EPHA6: variants seen among roughly 807,000 people sequenced by gnomAD.
The protein encoded by EPHA6 is ephrin type-A receptor 6.
EPHA6 carries 50 observed loss-of-function variants against 112.0 expected under a neutral mutation model. That is an observed-to-expected ratio of 0.45 (90% CI 0.36 to 0.56). The LOEUF (loss-of-function observed/expected upper bound fraction) is 0.56, where lower values mean the gene tolerates loss of function less well. Ranked by LOEUF, EPHA6 falls within the 20% of genes least tolerant of loss-of-function variation. The pLI, the probability that EPHA6 is intolerant of heterozygous loss-of-function variation, is 0.00. For synonymous variants in EPHA6, 529 were observed against 490.7 expected, an observed-to-expected ratio of 1.08 and a Z score of -1.03; for missense variants, 1,280 against 1,417.4, an observed-to-expected ratio of 0.90 and a Z score of 1.56.
At chr3:97,069,963 C>T (rs146471650) in intron 3 of EPHA6, among the ~76,000 whole-genome samples, 11 of 152,216 alleles carry the variant, frequency 7.2e-5, no homozygotes, top group African/African-American at 2.6e-4. Context: ...ACATCCCTAG[C>T]TCTTTCAAGC....
chr3:97,553,338 G>A (rs2107102616), intron 11 of EPHA6, among the ~76,000 whole-genome samples: 1 of 152,112 alleles, frequency 6.6e-6, no homozygotes, highest in Admixed American at 6.6e-5. Context: ...GTCCTCACAA[G>A]GCTGTCTTTC....
intron 15 of EPHA6, among the ~76,000 whole-genome samples, chr3:97,728,504 C>A (rs567166392): frequency 2.0e-5 from 3 of 152,170 alleles, no homozygotes; most frequent in African/African-American, 4.8e-5. Context: ...TATAGAGGTC[C>A]ATCTAAGCAC....
chr3:97,061,645 A>G (rs1253267470), intron 3 of EPHA6, among the ~76,000 whole-genome samples: 4 of 152,216 alleles, frequency 2.6e-5, no homozygotes, highest in African/African-American at 7.2e-5. Context: ...GTAAAAAGAA[A>G]TAAGACTGTG....
At chr3:96,854,695 A>T (rs1413426529) in intron 1 of EPHA6, among the ~76,000 whole-genome samples, 1 of 152,140 alleles carries the variant, frequency 6.6e-6, no homozygotes, top group East Asian at 1.9e-4. Flanking sequence ...TGAAGAGAAA[A>T]TGAGTTTTGA....
At chr3:97,595,423 C>T (rs2093579266) in intron 12 of EPHA6, among the ~76,000 whole-genome samples, 1 of 152,102 alleles carries the variant, frequency 6.6e-6, no homozygotes, top group African/African-American at 2.4e-5. Context: ...GCAGGTAGAT[C>T]ACCTGAGGTC....
chr3:96,952,996 G>C (rs996985471), intron 2 of EPHA6, among the ~76,000 whole-genome samples: 1 of 151,920 alleles, frequency 6.6e-6, no homozygotes, highest in Non-Finnish European at 1.5e-5. Context: ...ACCTGCACAA[G>C]TACCCCTAAA....
In EPHA6 at chr3:97,760,843, G is replaced by A. The variant is rs1411184849; in HGVS notation, c.*12142G>A. ...TATAAGTACAAATATGATTTTTAAA[G>A]CATCATTGTAACTTGTCATGAAGCT... On this transcript the variant is annotated 3_prime_UTR_variant, in exon 18 of 18. Coordinates refer to ENST00000389672, the MANE Select transcript of EPHA6 (RefSeq NM_001080448.3). 1 of 187,900 alleles carries A rather than the reference G, an allele frequency of 5.3e-6. No individual in the cohort carries two copies. The highest frequency in any genetic ancestry group is 8.5e-5 in the East Asian group (1 of 11,708). The allele number at this position is 187,900 out of a possible 1,614,324, so 11.6% of individuals were successfully genotyped here.
chr3:96,861,879 G>A (rs2036028722), intron 1 of EPHA6, among the ~76,000 whole-genome samples: 1 of 151,892 alleles, frequency 6.6e-6, no homozygotes, highest in South Asian at 2.1e-4. Context: ...TCCAAGTACA[G>A]AGAGGACCAT....
At chr3:97,567,998 C>T (rs1174142366) in intron 11 of EPHA6, among the ~76,000 whole-genome samples, 1 of 151,954 alleles carries the variant, frequency 6.6e-6, no homozygotes, top group African/African-American at 2.4e-5. Flanking sequence ...TGGCACCTGG[C>T]CCTGGAATGA....
In EPHA6 at chr3:97,480,082, T is replaced by C. The variant is rs555578844; in HGVS notation, c.2074+718T>C. 2.0e-3 allele frequency among the ~76,000 whole-genome samples: 310 copies of C among 152,328 alleles called. 2 individuals are homozygous for C. The highest frequency in any genetic ancestry group is 6.8e-3 in the Middle Eastern group (2 of 294). ...AAGGCAACTTAACTGTTTTATCTTT[T>C]ATTTCAAATTGAGCAAAAGATAATA... On this transcript the variant is annotated intron_variant, in intron 9 of 17. Coordinates refer to ENST00000389672, the MANE Select transcript of EPHA6 (RefSeq NM_001080448.3).
chr3:97,231,783 C>T (rs550725768), intron 4 of EPHA6, among the ~76,000 whole-genome samples: 42 of 152,284 alleles, frequency 2.8e-4, no homozygotes, highest in African/African-American at 9.6e-4. Context: ...TCCCTAGGAG[C>T]TGCCCTCAGA....
At chr3:97,544,878 TA>T (rs1300789277) in intron 11 of EPHA6, among the ~76,000 whole-genome samples, 28 of 152,356 alleles carry the variant, frequency 1.8e-4, no homozygotes, top group Non-Finnish European at 3.1e-4. Context: ...TTTATTTGCA[TA>T]GAGGTGTTTA....
intron 3 of EPHA6, among the ~76,000 whole-genome samples, chr3:96,998,193 CT>C (rs1446228980): frequency 6.6e-6 from 1 of 151,906 alleles, no homozygotes; most frequent in Non-Finnish European, 1.5e-5. Flanking sequence ...TTCACTATCT[CT>C]GTACTCTTTC....
chr3:97,228,009 C>A (rs905868231), intron 4 of EPHA6, among the ~76,000 whole-genome samples: 1 of 152,056 alleles, frequency 6.6e-6, no homozygotes, highest in African/African-American at 2.4e-5. Flanking sequence ...TCTCTTTAAC[C>A]CTTGAAGAAG....
Position 96,994,784 on chromosome 3 carries a change from G to A in EPHA6, c.1114+6791G>A, listed in dbSNP as rs933603522. Among the ~76,000 whole-genome samples, 5 of 130,866 alleles carry A rather than the reference G, an allele frequency of 3.8e-5. 1 individual carries two copies. The highest frequency in any genetic ancestry group is 1.5e-4 in the African/African-American group (5 of 33,336). The allele number at this position is 130,866 out of a possible 152,430, so 85.9% of individuals were successfully genotyped here. A position where few individuals can be genotyped will look rare whatever the true frequency, so the allele number is the denominator to read the frequency against. On this transcript the variant is annotated intron_variant, in intron 3 of 17. Transcript: ENST00000389672. ...AGAGCTATATATATACCTACAGGCTGAGAATATGTGTGTGTATATATATAT... is the reference window on the plus strand; with the variant it reads ...AGAGCTATATATATACCTACAGGCTAAGAATATGTGTGTGTATATATATAT...
At chr3:97,415,695 G>A (rs2088068619) in intron 6 of EPHA6, among the ~76,000 whole-genome samples, 1 of 151,972 alleles carries the variant, frequency 6.6e-6, no homozygotes. Flanking sequence ...TCACAAAATG[G>A]ACATTTCAAA....
chr3:97,307,329 T>C (rs775126506), intron 5 of EPHA6, among the ~76,000 whole-genome samples: 4 of 151,724 alleles, frequency 2.6e-5, no homozygotes, highest in Admixed American at 6.6e-5. Flanking sequence ...CAAATTCTAA[T>C]CTCACCACTA....
At chr3:97,648,534 T>C (rs2094084752) in intron 14 of EPHA6, 13 of 1,263,974 alleles carry the variant, frequency 1.0e-5, no homozygotes, top group Non-Finnish European at 1.3e-5. Context: ...CTTGAACATG[T>C]CCAACTTTAA....
chr3:96,993,597 C>G (rs529168194), intron 3 of EPHA6, among the ~76,000 whole-genome samples: 27 of 152,086 alleles, frequency 1.8e-4, no homozygotes, highest in Non-Finnish European at 4.0e-4. Context: ...CTTTGAAATG[C>G]TTCAATGTTT....
Sources: allele counts gnomAD v4.1 joint callset (sites outside exome capture counted in the v4.1 genomes callset), GRCh38; gene constraint gnomAD v4.1.1; transcripts MANE v1.5; gene names NCBI Gene and HGNC (gene_info 2026-07-23, HGNC 2026-07-21).